Variants in CNBD2 observed in about 807,000 individuals in gnomAD.
CNBD2 encodes cyclic nucleotide binding domain containing 2, also known as cyclic nucleotide-binding domain-containing protein 2.
In CNBD2, 64 loss-of-function variants were observed where a neutral mutation model predicts 63.7. The observed-to-expected ratio is 1.00, with a 90% CI of 0.82 to 1.24. The LOEUF (loss-of-function observed/expected upper bound fraction) is 1.24. CNBD2 is among the 50% of genes most tolerant of loss of function. The probability of loss-of-function intolerance (pLI) is 0.00; values close to 1 mark genes in which losing one functional copy is unlikely to be tolerated. For synonymous variants in CNBD2, 229 were observed against 255.4 expected, an observed-to-expected ratio of 0.90 and a Z score of 0.99; for missense variants, 691 against 713.5, an observed-to-expected ratio of 0.97 and a Z score of 0.36.
chr20:35,966,400 G>A (rs1437349206), upstream of CNBD2, among the ~76,000 whole-genome samples: 2 of 152,140 alleles, frequency 1.3e-5, no homozygotes, highest in Non-Finnish European at 2.9e-5. Context: ...TCAGTTGGAG[G>A]AGAGTTAACA....
chr20:35,984,804 T>A, intron 6 of CNBD2, 26 bp downstream of exon 6: 1 of 1,613,160 alleles, frequency 6.2e-7, no homozygotes, highest in South Asian at 1.1e-5. Context: ...TTCAACATTT[T>A]TTTCCCCTTG....
chr20:35,963,878 G>A (rs2056326061), upstream of CNBD2, among the ~76,000 whole-genome samples: 1 of 152,118 alleles, frequency 6.6e-6, no homozygotes, highest in African/African-American at 2.4e-5. Flanking sequence ...CCATACTGGG[G>A]GTTGCAAACA....
chr20:36,022,018 T>TC (rs1248900816), intron 10 of CNBD2, among the ~76,000 whole-genome samples: 1 of 150,908 alleles, frequency 6.6e-6, no homozygotes, highest in Non-Finnish European at 1.5e-5. Context: ...ATTTTACTTT[T>TC]TTTTTTTTGA....
At chr20:35,994,946 A>G (rs1055207908) in intron 7 of CNBD2, 92 bp from the exon 8 acceptor site, 3 of 824,846 alleles carry the variant, frequency 3.6e-6, no homozygotes, top group African/African-American at 3.4e-5. Context: ...ACAAAATGGG[A>G]TAAGATGCAA....
At chr20:36,006,680 G>T (rs996746334) in intron 8 of CNBD2, among the ~76,000 whole-genome samples, 7 of 152,170 alleles carry the variant, frequency 4.6e-5, no homozygotes, top group African/African-American at 1.4e-4. Context: ...GCCTTCCAAA[G>T]CGTGGGATTA....
At chr20:35,965,612 C>T (rs2056339836), upstream of CNBD2, among the ~76,000 whole-genome samples, 1 of 152,040 alleles carries the variant, frequency 6.6e-6, no homozygotes, top group African/African-American at 2.4e-5. Flanking sequence ...GGCATTCTAC[C>T]CTGTAATAGT....
chr20:36,019,741 G>A (rs765250168), intron 10 of CNBD2, among the ~76,000 whole-genome samples: 4 of 152,028 alleles, frequency 2.6e-5, no homozygotes, highest in Non-Finnish European at 5.9e-5. Context: ...AGACAGCCCA[G>A]GCCTTAGGCG....
chr20:35,980,538 G>A lies in CNBD2; in HGVS notation c.323G>A (p.Cys108Tyr), dbSNP rs1184586884. The A allele has an allele frequency of 1.9e-6, 3 of 1,614,096 alleles. No individual in the cohort carries two copies. The highest frequency in any genetic ancestry group is 3.3e-5 in the Admixed American group (2 of 60,012). ...ACAGAGGATGAGATCCAGGCCGTCT[G>A]TAACATCTTGCAGGTTCTGGATAGC... ...WRTEDEIQAVCNILQVLDSYR... is the reference protein window; with the variant it reads ...WRTEDEIQAVYNILQVLDSYR... The change falls in exon 4 of 12, where the codon TGT (cysteine) becomes TAT (tyrosine). Residue 108 changes from cysteine (C) to tyrosine (Y), a missense_variant. Physicochemically the swap from Cys to Tyr is radical, Grantham distance 194. Transcript: ENST00000373973.
chr20:35,993,560 T>C (rs2056777924), intron 7 of CNBD2, among the ~76,000 whole-genome samples: 1 of 152,228 alleles, frequency 6.6e-6, no homozygotes, highest in South Asian at 2.1e-4. Flanking sequence ...TTATTGAGTT[T>C]CTTAAAAAGT....
chr20:36,024,033 G>A (rs539106949), intron 11 of CNBD2, among the ~76,000 whole-genome samples: 2 of 152,324 alleles, frequency 1.3e-5, no homozygotes, highest in South Asian at 4.1e-4. Flanking sequence ...AGAAAGCCCT[G>A]CATTAAGATG....
In CNBD2 at chr20:36,011,168, A is replaced by G. The variant is rs762828279; in HGVS notation, c.1180A>G (p.Met394Val). 43 of 1,595,904 alleles carry G rather than the reference A, an allele frequency of 2.7e-5. No homozygotes were observed. Among genetic ancestry groups the G allele is most frequent in the Non-Finnish European group, 2.6e-5 (30 of 1,170,430 alleles). ...SRPAQSIKCA[M>V]INIKPGELPK... ...GCCTGCTCAGTCGATCAAATGTGCC[A>G]TGATCAATATCAAGCCTGGTGAGCT... Residue 394 changes from methionine to valine, a missense_variant, in exon 10 of 12, where the codon ATG (methionine) becomes GTG (valine). Coordinates refer to ENST00000373973, the MANE Select transcript of CNBD2 (RefSeq NM_001365709.1).
chr20:35,964,147 C>T (rs2056327642), upstream of CNBD2, among the ~76,000 whole-genome samples: 1 of 152,094 alleles, frequency 6.6e-6, no homozygotes. Flanking sequence ...TCTCATGCTC[C>T]CTGAACAGAC....
At position 35,995,166 on chromosome 20, in the gene CNBD2, G is replaced by A; in HGVS notation, c.970+14G>A. ...CCCACCTGAGTGGTAAGCTGCCTTGGCCTGTCTGACAGCAGGGGGCGCCTG... is the reference window on the plus strand; with the variant it reads ...CCCACCTGAGTGGTAAGCTGCCTTGACCTGTCTGACAGCAGGGGGCGCCTG... On this transcript the variant is annotated intron_variant, in intron 8 of 11. Transcript: ENST00000373973. 13 of 1,589,394 alleles carry A rather than the reference G, an allele frequency of 8.2e-6. No homozygotes were observed. Among genetic ancestry groups the A allele is most frequent in the Non-Finnish European group, 1.1e-5 (13 of 1,158,852 alleles).
At chr20:35,975,248 G>A (rs368627320) in intron 2 of CNBD2, among the ~76,000 whole-genome samples, 53 of 134,388 alleles carry the variant, frequency 3.9e-4, no homozygotes, top group African/African-American at 8.1e-4. Context: ...TGATCCGCCC[G>A]CCTCGGCCTC....
At chr20:36,013,628 G>A (rs1312582952) in intron 10 of CNBD2, among the ~76,000 whole-genome samples, 1 of 152,162 alleles carries the variant, frequency 6.6e-6, no homozygotes, top group East Asian at 1.9e-4. Context: ...CTGTGCCCTA[G>A]TGATAAAGCT....
intron 7 of CNBD2, 145 bp from the exon 8 acceptor site, chr20:35,994,893 A>T: frequency 7.0e-6 from 4 of 571,470 alleles, no homozygotes; most frequent in Non-Finnish European, 1.3e-5. Flanking sequence ...CATCTCAAAA[A>T]AAAGAAAAAA....
upstream of CNBD2, among the ~76,000 whole-genome samples, chr20:35,964,385 G>C: frequency 6.7e-6 from 1 of 149,840 alleles, no homozygotes; most frequent in Admixed American, 6.7e-5. Context: ...TCTCCATGTT[G>C]GTCAGGTTGG....
chr20:36,012,498 C>G (rs1601090117), intron 10 of CNBD2, among the ~76,000 whole-genome samples: 1 of 150,094 alleles, frequency 6.7e-6, no homozygotes, highest in Admixed American at 6.6e-5. Context: ...AAATTAATAA[C>G]AAATACATAA....
chr20:35,960,039 A>G (rs376385986), downstream of CNBD2, among the ~76,000 whole-genome samples: 7 of 152,212 alleles, frequency 4.6e-5, no homozygotes, highest in East Asian at 3.8e-4. Context: ...TATCAAATCT[A>G]TTTGGTCTCT....
Sources: gnomAD v4.1 joint callset for allele counts (sites outside exome capture counted in the v4.1 genomes callset) on GRCh38, gnomAD v4.1.1 for gene constraint, MANE v1.5 for transcripts, NCBI Gene and HGNC (gene_info 2026-07-23, HGNC 2026-07-21) for gene names.